Variants in DUSP29 observed in about 807,000 individuals in gnomAD.
DUSP29 encodes the protein dual specificity phosphatase 29.
In DUSP29, 12 loss-of-function variants were observed where a neutral mutation model predicts 13.5. The ratio of observed to expected loss-of-function variants is 0.89; its 90% CI spans 0.57 to 1.44. The LOEUF (loss-of-function observed/expected upper bound fraction) is 1.44. Among genes scored for constraint, DUSP29 ranks in the 40% most tolerant of loss-of-function variants. The pLI is 0.00. For missense variants in DUSP29, 308 were observed against 301.1 expected, an observed-to-expected ratio of 1.02 and a Z score of -0.17; for synonymous variants, 134 against 128.7, an observed-to-expected ratio of 1.04 and a Z score of -0.28.
intron 3 of DUSP29, among the ~76,000 whole-genome samples, chr10:75,040,341 C>A (rs569703146): frequency 6.6e-6 from 1 of 152,138 alleles, no homozygotes; most frequent in Non-Finnish European, 1.5e-5. Flanking sequence ...CCATGGACTG[C>A]CAAAAGGAGA....
chr10:75,051,196 C>G (rs1453617504), intron 2 of DUSP29, among the ~76,000 whole-genome samples: 1 of 152,182 alleles, frequency 6.6e-6, no homozygotes, highest in Non-Finnish European at 1.5e-5. Flanking sequence ...TGTTTTCTCT[C>G]CCAAGGCTTC....
chr10:75,046,247 A>G (rs1185418097), intron 2 of DUSP29, among the ~76,000 whole-genome samples: 1 of 152,224 alleles, frequency 6.6e-6, no homozygotes, highest in Non-Finnish European at 1.5e-5. Context: ...GAAGTGATAC[A>G]ATCTGGGTTT....
intron 1 of DUSP29, among the ~76,000 whole-genome samples, chr10:75,065,941 G>T (rs749404988): frequency 6.6e-6 from 1 of 151,616 alleles, no homozygotes; most frequent in Non-Finnish European, 1.5e-5. Flanking sequence ...ATGGTGCCCA[G>T]GCCTGTCTCC....
chr10:75,049,554 T>G (rs1404745203), intron 2 of DUSP29, among the ~76,000 whole-genome samples: 3 of 152,220 alleles, frequency 2.0e-5, no homozygotes, highest in Non-Finnish European at 4.4e-5. Context: ...CAGCTATGCC[T>G]CAGTTGCCTT....
At chr10:75,072,880 C>T (rs4313520) in intron 1 of DUSP29, among the ~76,000 whole-genome samples, 11,814 of 151,994 alleles carry the variant, frequency 0.078, 633 homozygotes, top group East Asian at 0.2. Context: ...GACGCAGGCC[C>T]GTCCCACTTC....
At chr10:75,072,319 G>A (rs1564648117) in intron 1 of DUSP29, among the ~76,000 whole-genome samples, 1 of 152,158 alleles carries the variant, frequency 6.6e-6, no homozygotes, top group Non-Finnish European at 1.5e-5. Context: ...CTGCCATGGG[G>A]TCAGAGCCCC....
rs541228810 is a variant in DUSP29 at position 75,044,020 on chromosome 10, G to A, written c.201-3C>T. On this transcript the variant is annotated splice_region_variant and splice_polypyrimidine_tract_variant and intron_variant, in intron 2 of 3. Coordinates refer to ENST00000338487, the MANE Select transcript of DUSP29 (RefSeq NM_001003892.3). Reference sequence around the variant, plus strand: ...TATAGCGGTCCAGCGCCGTCGCCCTGGGCGCAGGGGAGAGAAATCTGTGGG... The same window carrying A: ...TATAGCGGTCCAGCGCCGTCGCCCTAGGCGCAGGGGAGAGAAATCTGTGGG... The A allele has an allele frequency of 1.2e-6, 2 of 1,604,600 alleles. No homozygotes were observed. Among genetic ancestry groups the A allele is most frequent in the Non-Finnish European group, 1.7e-6 (2 of 1,175,646 alleles).
At chr10:75,050,929 C>A (rs1223654559) in intron 2 of DUSP29, among the ~76,000 whole-genome samples, 1 of 152,252 alleles carries the variant, frequency 6.6e-6, no homozygotes, top group Non-Finnish European at 1.5e-5. Context: ...GCAGGGCCAC[C>A]TTTCCCCTTC....
In DUSP29 at chr10:75,037,567, A is replaced by G. The variant is rs1002611229; in HGVS notation, c.*269T>C. Among the ~76,000 whole-genome samples, 1 of 152,206 alleles carries G rather than the reference A, an allele frequency of 6.6e-6. No homozygotes were observed. Among genetic ancestry groups the G allele is most frequent in the Non-Finnish European group, 1.5e-5 (1 of 68,040 alleles). ...CTCACCAAAAAAACAAAACCAAAGC[A>G]GGAGACTTGGTGCAGCGTGGCATGC... On this transcript the variant is annotated 3_prime_UTR_variant, in exon 4 of 4. Transcript: ENST00000338487.
chr10:75,043,921 G>A lies in DUSP29; in HGVS notation c.297C>T (p.Asp99=). ...ACTGGATGTCCATGTCGCGGTAGTA[G>A]TCGGGCCCAGTGTCCACGTTCCAGC... The part of the protein sequence containing the change: ...HGRWNVDTGP[D]YYRDMDIQYH... The change falls in exon 3 of 4, where the codon GAC becomes GAT. Residue 99 remains aspartate, a synonymous_variant. Transcript: ENST00000338487. The A allele has an allele frequency of 6.2e-7, 1 of 1,613,938 alleles. No homozygotes were observed. Among genetic ancestry groups the A allele is most frequent in the Non-Finnish European group, 8.5e-7 (1 of 1,179,950 alleles).
intron 2 of DUSP29, among the ~76,000 whole-genome samples, chr10:75,049,017 G>A (rs1188770522): frequency 6.6e-6 from 1 of 152,190 alleles, no homozygotes; most frequent in Non-Finnish European, 1.5e-5. Context: ...GCTTCTTTGA[G>A]AGGTTAAAAG....
At chr10:75,043,664 G>C (rs967774518) in intron 3 of DUSP29, 133 bp downstream of exon 3, 4 of 884,596 alleles carry the variant, frequency 4.5e-6, no homozygotes, top group South Asian at 3.5e-5. Context: ...GGGAAACCTT[G>C]GGCTAAGGGC....
intron 2 of DUSP29, among the ~76,000 whole-genome samples, chr10:75,045,977 A>G (rs1235810518): frequency 6.6e-6 from 1 of 151,952 alleles, no homozygotes; most frequent in Non-Finnish European, 1.5e-5. Context: ...TTAGCCGGGC[A>G]TGCTGGCATG....
chr10:75,058,567 C>A lies in DUSP29; in HGVS notation c.-34-19G>T. 6.3e-7 allele frequency: 1 copy of A among 1,599,700 alleles called. No individual in the cohort carries two copies. The highest frequency in any genetic ancestry group is 1.1e-5 in the South Asian group (1 of 90,414). On this transcript the variant is annotated intron_variant, in intron 1 of 3. Coordinates refer to ENST00000338487, the MANE Select transcript of DUSP29 (RefSeq NM_001003892.3). ...TCTGCAGCTGGTTATGAGAGAGAAG[C>A]AGGATGGGGGTTAGCAGGGGACACT... is the stretch of plus-strand genomic sequence containing the variant.
chr10:75,046,726 A>G (rs914129795), intron 2 of DUSP29, among the ~76,000 whole-genome samples: 1 of 152,164 alleles, frequency 6.6e-6, no homozygotes, highest in African/African-American at 2.4e-5. Flanking sequence ...TTTTCCTTAG[A>G]AAGGTCTGCT....
At chr10:75,044,839 G>T (rs377262870) in intron 2 of DUSP29, among the ~76,000 whole-genome samples, 21 of 152,244 alleles carry the variant, frequency 1.4e-4, no homozygotes, top group Middle Eastern at 6.8e-3. Flanking sequence ...GGTGGGGCAG[G>T]GAGAGGCCTG....
chr10:75,041,369 A>G (rs556491561), intron 3 of DUSP29, among the ~76,000 whole-genome samples: 2 of 152,218 alleles, frequency 1.3e-5, no homozygotes, highest in African/African-American at 4.8e-5. Context: ...AGACCTAAAA[A>G]TCGAGTGATT....
intron 1 of DUSP29, among the ~76,000 whole-genome samples, chr10:75,065,486 A>G (rs1258741029): frequency 6.6e-6 from 1 of 150,866 alleles, no homozygotes. Context: ...CCGCCACCCC[A>G]CCCGGCTAAA....
At chr10:75,038,695 G>A (rs951136712) in intron 3 of DUSP29, among the ~76,000 whole-genome samples, 1 of 141,570 alleles carries the variant, frequency 7.1e-6, no homozygotes, top group Non-Finnish European at 1.5e-5. Context: ...AGGGGAGAAA[G>A]AGTTGGAAGG....
Sources: gnomAD v4.1 joint callset for allele counts (sites outside exome capture counted in the v4.1 genomes callset) on GRCh38, gnomAD v4.1.1 for gene constraint, MANE v1.5 for transcripts, NCBI Gene and HGNC (gene_info 2026-07-23, HGNC 2026-07-21) for gene names.